DLGAP2: variants seen among roughly 807,000 people sequenced by gnomAD.
DLGAP2 encodes DLG associated protein 2.
Under a neutral mutation model 100.3 loss-of-function variants are expected in DLGAP2, and 26 were observed. The ratio of observed to expected loss-of-function variants is 0.26; its 90% confidence interval spans 0.19 to 0.36. DLGAP2 has a LOEUF of 0.36. Ranked by LOEUF, DLGAP2 falls within the 10% of genes least tolerant of loss-of-function variation. The probability of loss-of-function intolerance (pLI) is 1.00; values close to 1 mark genes in which losing one functional copy is unlikely to be tolerated. For synonymous variants in DLGAP2, 886 were observed against 630.1 expected, an observed-to-expected ratio of 1.41 and a Z score of -6.08; for missense variants, 1,858 against 1,453.2, an observed-to-expected ratio of 1.28 and a Z score of -4.53.
At chr8:1,682,441 A>T (rs1357368124) in intron 12 of DLGAP2, among the ~76,000 whole-genome samples, 1 of 152,080 alleles carries the variant, frequency 6.6e-6, no homozygotes, top group Non-Finnish European at 1.5e-5. Flanking sequence ...TAGGGACCCA[A>T]ATCAACAGTA....
chr8:1,632,992 T>C lies in DLGAP2; in HGVS notation c.1756T>C (p.Cys586Arg), dbSNP rs753092749. ...IQAGYSQDDE[C>R]IPMMTPSDIT... Reference sequence around the variant, plus strand: ...AGCCGGCTACTCCCAAGATGACGAATGTATTCCCATGATGACACCCTCTGA... The same window carrying C: ...AGCCGGCTACTCCCAAGATGACGAACGTATTCCCATGATGACACCCTCTGA... The change falls in exon 8 of 15, where the codon TGT becomes CGT. Residue 586 changes from cysteine (C) to arginine (R), a missense_variant. By Grantham distance (180) the Cys-to-Arg change is radical (BLOSUM62 -3). Coordinates refer to ENST00000637795, the MANE Select transcript of DLGAP2 (RefSeq NM_001346810.2). 9 of 1,613,850 alleles carry C rather than the reference T, an allele frequency of 5.6e-6. No homozygotes were observed. The East Asian group carries it at 1.8e-4, about 32-fold the overall frequency.
intron 2 of DLGAP2, among the ~76,000 whole-genome samples, chr8:986,491 G>C (rs902374499): frequency 5.3e-5 from 8 of 151,960 alleles, no homozygotes; most frequent in African/African-American, 1.9e-4. Context: ...TGTTGCATAA[G>C]TATAATTTCT....
chr8:1,648,008 C>G (rs533290925), intron 8 of DLGAP2, among the ~76,000 whole-genome samples: 5 of 152,362 alleles, frequency 3.3e-5, no homozygotes, highest in Non-Finnish European at 5.9e-5. Flanking sequence ...CGTCGGTCAT[C>G]TCTTCCACAT....
chr8:1,646,986 G>A (rs1199416660), intron 8 of DLGAP2, among the ~76,000 whole-genome samples: 4 of 152,232 alleles, frequency 2.6e-5, no homozygotes, highest in Admixed American at 1.3e-4. Context: ...TGAGCGGACA[G>A]TGGAGGAGGA....
At chr8:1,036,632 A>C (rs923529562) in intron 2 of DLGAP2, among the ~76,000 whole-genome samples, 2 of 152,126 alleles carry the variant, frequency 1.3e-5, no homozygotes, top group Admixed American at 6.5e-5. Context: ...TATAGAGACC[A>C]GTGCTTGGTC....
At chr8:1,513,482 C>T (rs962051819) in intron 4 of DLGAP2, among the ~76,000 whole-genome samples, 5 of 152,242 alleles carry the variant, frequency 3.3e-5, no homozygotes, top group Admixed American at 3.3e-4. Flanking sequence ...GGTGCAAGCA[C>T]AGCCCAGCTC....
chr8:775,064 C>T (rs1365183635), intron 1 of DLGAP2, among the ~76,000 whole-genome samples: 5 of 152,194 alleles, frequency 3.3e-5, no homozygotes, highest in African/African-American at 9.6e-5. Context: ...AGGTCCTTCT[C>T]GTCCCTTGTA....
chr8:1,198,811 A>T (rs1563248213), intron 2 of DLGAP2, among the ~76,000 whole-genome samples: 1 of 152,074 alleles, frequency 6.6e-6, no homozygotes, highest in Non-Finnish European at 1.5e-5. Context: ...CAGCAGGGGG[A>T]TGGGCACCTC....
intron 1 of DLGAP2, among the ~76,000 whole-genome samples, chr8:876,065 C>G (rs370673649): frequency 2.6e-5 from 4 of 152,180 alleles, no homozygotes; most frequent in Admixed American, 1.3e-4. Flanking sequence ...CCTCTTCGTG[C>G]TGTTATTGAC....
At chr8:1,649,120 A>G (rs531835930) in intron 8 of DLGAP2, among the ~76,000 whole-genome samples, 1 of 152,352 alleles carries the variant, frequency 6.6e-6, no homozygotes, top group Non-Finnish European at 1.5e-5. Context: ...AGGTGTATAC[A>G]TTGAATTTGA....
At chr8:817,695 T>C (rs1188897341) in intron 1 of DLGAP2, among the ~76,000 whole-genome samples, 3 of 152,238 alleles carry the variant, frequency 2.0e-5, no homozygotes, top group African/African-American at 7.2e-5. Flanking sequence ...CTTAGGTATG[T>C]GGCTTCCTGA....
chr8:1,442,957 C>G (rs1230174572), intron 3 of DLGAP2, among the ~76,000 whole-genome samples: 6 of 152,190 alleles, frequency 3.9e-5, no homozygotes, highest in African/African-American at 1.4e-4. Context: ...TGAAAGCAAG[C>G]AAAACTTATT....
intron 3 of DLGAP2, among the ~76,000 whole-genome samples, chr8:1,377,584 A>G (rs1337273261): frequency 1.3e-5 from 2 of 152,220 alleles, no homozygotes; most frequent in African/African-American, 4.8e-5. Flanking sequence ...ACAGGTCTTC[A>G]TATCCCAGGA....
intron 6 of DLGAP2, among the ~76,000 whole-genome samples, chr8:1,588,921 C>G (rs1460845041): frequency 6.6e-6 from 1 of 152,068 alleles, no homozygotes; most frequent in Non-Finnish European, 1.5e-5. Context: ...GACTTCATCT[C>G]AAGTTTGGAG....
intron 1 of DLGAP2, among the ~76,000 whole-genome samples, chr8:888,112 T>G (rs972840856): frequency 3.3e-5 from 5 of 152,234 alleles, no homozygotes; most frequent in African/African-American, 1.2e-4. Flanking sequence ...ATGTAAGGTC[T>G]GTATGCCTTA....
intron 2 of DLGAP2, among the ~76,000 whole-genome samples, chr8:945,515 C>G (rs959480460): frequency 4.6e-5 from 7 of 152,182 alleles, no homozygotes; most frequent in African/African-American, 1.7e-4. Context: ...GAGCCCCGGA[C>G]AAGCTGAGGT....
chr8:867,748 C>G (rs1347637297), intron 1 of DLGAP2, among the ~76,000 whole-genome samples: 2 of 152,128 alleles, frequency 1.3e-5, no homozygotes, highest in Non-Finnish European at 2.9e-5. Context: ...GTGCGTAATT[C>G]CTGTTCATAT....
chr8:1,053,300 T>C (rs539998740), intron 2 of DLGAP2, among the ~76,000 whole-genome samples: 37 of 152,228 alleles, frequency 2.4e-4, no homozygotes, highest in Middle Eastern at 3.4e-3. Flanking sequence ...ATTTGTAAAA[T>C]GCCTTCTTCA....
chr8:1,490,973 A>G (rs1430634362), intron 3 of DLGAP2, among the ~76,000 whole-genome samples: 1 of 150,122 alleles, frequency 6.7e-6, no homozygotes, highest in Non-Finnish European at 1.5e-5. Context: ...ATGTATACAT[A>G]TGTAACAAAC....
Sources: allele counts gnomAD v4.1 joint callset (sites outside exome capture counted in the v4.1 genomes callset), GRCh38; gene constraint gnomAD v4.1.1; transcripts MANE v1.5; gene names NCBI Gene and HGNC (gene_info 2026-07-23, HGNC 2026-07-21).